TSGA13: variants seen among roughly 807,000 people sequenced by gnomAD.
TSGA13 encodes testis specific 13.
TSGA13 carries 37 observed loss-of-function variants against 35.1 expected under a neutral mutation model. The observed-to-expected ratio is 1.05, with a 90% CI of 0.81 to 1.39. The LOEUF (loss-of-function observed/expected upper bound fraction) is 1.39, where lower values mean the gene tolerates loss of function less well. Ranked by LOEUF, TSGA13 falls within the 40% of genes most tolerant of loss-of-function variation. The pLI is 0.00. For missense variants in TSGA13, 338 were observed against 328.5 expected (o/e 1.03, Z -0.22); for synonymous variants, 124 against 121.2 (o/e 1.02, Z -0.15).
intron 3 of TSGA13, among the ~76,000 whole-genome samples, chr7:130,682,891 C>A (rs1554465313): frequency 6.6e-6 from 1 of 152,080 alleles, no homozygotes; most frequent in Non-Finnish European, 1.5e-5. Flanking sequence ...TTTTTTACCA[C>A]CTTATGGAAA....
intron 7 of TSGA13, among the ~76,000 whole-genome samples, chr7:130,671,057 G>T (rs782151583): frequency 2.6e-5 from 4 of 152,062 alleles, no homozygotes; most frequent in Non-Finnish European, 5.9e-5. Flanking sequence ...GATTCTCATT[G>T]TACCCTCTGC....
intron 5 of TSGA13, among the ~76,000 whole-genome samples, chr7:130,674,169 C>CTTTTTTTTTTTTTTTTTTTTT (rs1162370815): frequency 3.4e-4 from 33 of 98,446 alleles, no homozygotes; most frequent in South Asian, 8.5e-4. Flanking sequence ...TTCTTTTTTT[C>CTTTTTTTTTTTTTTTTTTTTT]TTTTTTTTTT....
chr7:130,671,884 T>C (rs1796281633), intron 6 of TSGA13, 96 bp from the exon 7 acceptor site: 3 of 837,026 alleles, frequency 3.6e-6, no homozygotes, highest in Non-Finnish European at 4.4e-6. Context: ...TATTTTATTT[T>C]ATTTTATTTT....
intron 1 of TSGA13, among the ~76,000 whole-genome samples, chr7:130,685,728 C>T (rs546423617): frequency 4.6e-5 from 7 of 152,320 alleles, no homozygotes; most frequent in African/African-American, 1.7e-4. Flanking sequence ...TTTTCTCCTC[C>T]TGTCAACAAA....
chr7:130,670,363 C>A (rs1796235070), intron 7 of TSGA13, among the ~76,000 whole-genome samples: 1 of 152,098 alleles, frequency 6.6e-6, no homozygotes, highest in Admixed American at 6.5e-5. Flanking sequence ...ACTGCAATGG[C>A]TTTGTGGGAC....
chr7:130,677,066 G>T (rs901002111), intron 5 of TSGA13, among the ~76,000 whole-genome samples: 6 of 151,756 alleles, frequency 4.0e-5, no homozygotes, highest in African/African-American at 1.5e-4. Flanking sequence ...CTAATTTTTT[G>T]TATTTTTAGT....
chr7:130,685,471 G>T (rs1796639268), intron 1 of TSGA13, 111 bp from the exon 2 acceptor site: 1 of 1,037,804 alleles, frequency 9.6e-7, no homozygotes, highest in Non-Finnish European at 1.3e-6. Flanking sequence ...AACGGGGGAG[G>T]TGGGAGAAAG....
chr7:130,683,931 T>C (rs558727495), intron 2 of TSGA13, among the ~76,000 whole-genome samples: 21 of 152,358 alleles, frequency 1.4e-4, no homozygotes, highest in African/African-American at 3.8e-4. Context: ...TGAGTTGGTT[T>C]CTTCTAAAAT....
intron 5 of TSGA13, among the ~76,000 whole-genome samples, chr7:130,676,956 G>A (rs1328625136): frequency 4.0e-5 from 6 of 150,752 alleles, no homozygotes; most frequent in Middle Eastern, 3.4e-3. Flanking sequence ...GCAGTGGTGC[G>A]ATCTCGGCTC....
At chr7:130,680,138 C>A (rs1228514612) in intron 4 of TSGA13, among the ~76,000 whole-genome samples, 1 of 152,194 alleles carries the variant, frequency 6.6e-6, no homozygotes, top group Non-Finnish European at 1.5e-5. Flanking sequence ...ACATCTTCCA[C>A]GTAATGTTCC....
chr7:130,679,398 A>G (rs1554464736), intron 4 of TSGA13, 31 bp from the exon 5 acceptor site: 3 of 1,566,790 alleles, frequency 1.9e-6, no homozygotes, highest in Non-Finnish European at 2.6e-6. Context: ...CCAGAGAGAA[A>G]AAGAGATTAG....
intron 5 of TSGA13, among the ~76,000 whole-genome samples, chr7:130,676,403 G>T (rs1172484585): frequency 2.0e-5 from 3 of 152,180 alleles, no homozygotes; most frequent in Admixed American, 1.3e-4. Context: ...GAACTGGAGG[G>T]TTCACAAAGT....
intron 5 of TSGA13, among the ~76,000 whole-genome samples, chr7:130,678,373 C>T (rs1251822302): frequency 1.4e-5 from 2 of 139,180 alleles, no homozygotes; most frequent in African/African-American, 2.8e-5. Context: ...AACGAGACTC[C>T]GTCTCAAAAA....
At chr7:130,669,211 A>G (rs781855581) in intron 7 of TSGA13, 28 bp from the exon 8 acceptor site, 1 of 1,613,836 alleles carries the variant, frequency 6.2e-7, no homozygotes, top group Admixed American at 1.7e-5. Context: ...CACCCTGGTG[A>G]ATGTGGCTTT....
In TSGA13 at chr7:130,668,649, T is replaced by C; in HGVS notation, c.*365A>G. ...GCGCGTACCAGACTCCTCGTCCTTC[T>C]TGTCGAATTTTTTAATCATCTTGGA... is the stretch of plus-strand genomic sequence containing the variant. On this transcript the variant is annotated 3_prime_UTR_variant, in exon 8 of 8. Coordinates refer to ENST00000356588, the MANE Select transcript of TSGA13 (RefSeq NM_052933.4). 1 of 1,542,220 alleles carries C rather than the reference T, an allele frequency of 6.5e-7. No individual in the cohort carries two copies. Among genetic ancestry groups the C allele is most frequent in the Non-Finnish European group, 8.7e-7 (1 of 1,146,564 alleles).
Position 130,668,827 on chromosome 7 carries a change from G to A in TSGA13, c.*187C>T. On this transcript the variant is annotated 3_prime_UTR_variant, in exon 8 of 8. Transcript: ENST00000356588. ...AGGCCCGCCCTCCCCGGCCGCCCTCGGCCCCCGGGACGCAGCCACGCCCCC... is the reference window on the plus strand; with the variant it reads ...AGGCCCGCCCTCCCCGGCCGCCCTCAGCCCCCGGGACGCAGCCACGCCCCC... 2.3e-6 allele frequency: 3 copies of A among 1,279,364 alleles called. No individual in the cohort carries two copies. Among genetic ancestry groups the A allele is most frequent in the Non-Finnish European group, 3.1e-6 (3 of 953,774 alleles). The allele number at this position is 1,279,364 out of a possible 1,614,324, so 79.3% of individuals were successfully genotyped here.
chr7:130,668,852 C>A lies in TSGA13; in HGVS notation c.*162G>T. On this transcript the variant is annotated 3_prime_UTR_variant, in exon 8 of 8. Coordinates refer to ENST00000356588, the MANE Select transcript of TSGA13 (RefSeq NM_052933.4). Reference sequence around the variant, plus strand: ...GGCCCCCGGGACGCAGCCACGCCCCCTTCTCCTCTTGCGGCCCGCCGGAGA... The same window carrying A: ...GGCCCCCGGGACGCAGCCACGCCCCATTCTCCTCTTGCGGCCCGCCGGAGA... 7.5e-7 allele frequency: 1 copy of A among 1,339,046 alleles called. No individual in the cohort carries two copies. The highest frequency in any genetic ancestry group is 1.0e-6 in the Non-Finnish European group (1 of 988,930). The allele number at this position is 1,339,046 out of a possible 1,614,324, so 82.9% of individuals were successfully genotyped here.
rs1268093047 is a variant in TSGA13 at position 130,679,060 on chromosome 7, G to C, written c.387+95C>G. ...AAACAAAAAAATTAAGAGGTTTTCT[G>C]AGTACTATTCTCCATGTTAAGTTAA... On this transcript the variant is annotated intron_variant, in intron 5 of 7. Coordinates refer to ENST00000356588, the MANE Select transcript of TSGA13 (RefSeq NM_052933.4). 3 of 1,032,928 alleles carry C rather than the reference G, an allele frequency of 2.9e-6. No individual in the cohort carries two copies. The African/African-American group carries it at 4.8e-5, about 17-fold the overall frequency. 64.0% of individuals were successfully genotyped at this position (1,032,928 alleles called of 1,614,324 possible).
chr7:130,673,596 C>T (rs1796335666), intron 5 of TSGA13, among the ~76,000 whole-genome samples: 1 of 152,206 alleles, frequency 6.6e-6, no homozygotes. Context: ...TCACATTCCT[C>T]CTAAGCTCTG....
Sources: allele counts gnomAD v4.1 joint callset (sites outside exome capture counted in the v4.1 genomes callset), GRCh38; gene constraint gnomAD v4.1.1; transcripts MANE v1.5; gene names NCBI Gene and HGNC (gene_info 2026-07-23, HGNC 2026-07-21).